Variants in GAS2 observed in about 807,000 individuals in gnomAD.
The protein encoded by GAS2 is growth arrest-specific protein 2.
A neutral mutation model predicts 37.5 loss-of-function variants in GAS2; 20 were observed. That is an observed-to-expected ratio of 0.53 (90% CI 0.37 to 0.77). The LOEUF is 0.77. Ranked by LOEUF, GAS2 falls within the 30% of genes least tolerant of loss-of-function variation. The probability of loss-of-function intolerance (pLI) is 0.00; values close to 1 mark genes in which losing one functional copy is unlikely to be tolerated. For missense variants in GAS2, 336 were observed against 373.4 expected (o/e 0.90, Z 0.82); for synonymous variants, 144 against 132.2 (o/e 1.09, Z -0.61).
intron 3 of GAS2, among the ~76,000 whole-genome samples, chr11:22,706,258 C>T (rs572569543): frequency 6.6e-6 from 1 of 151,968 alleles, no homozygotes; most frequent in African/African-American, 2.4e-5. Flanking sequence ...AGGCTATTGC[C>T]TAGCTCAGGT....
At chr11:22,713,683 A>C (rs575056178) in intron 3 of GAS2, among the ~76,000 whole-genome samples, 1 of 152,328 alleles carries the variant, frequency 6.6e-6, no homozygotes, top group Non-Finnish European at 1.5e-5. Flanking sequence ...CCTGTAAACC[A>C]GAAGGGATTG....
chr11:22,696,348 G>C (rs1590654835), intron 3 of GAS2, among the ~76,000 whole-genome samples: 1 of 151,960 alleles, frequency 6.6e-6, no homozygotes, highest in African/African-American at 2.4e-5. Flanking sequence ...ATCATTGTTG[G>C]ACATTTGGAT....
intron 7 of GAS2, among the ~76,000 whole-genome samples, chr11:22,800,807 T>C (rs1277971092): frequency 3.9e-5 from 6 of 152,160 alleles, no homozygotes; most frequent in Non-Finnish European, 8.8e-5. Context: ...GAACTTTTAA[T>C]TTAAAATTCT....
intron 2 of GAS2, among the ~76,000 whole-genome samples, chr11:22,676,562 A>G (rs1849438455): frequency 6.6e-6 from 1 of 152,162 alleles, no homozygotes; most frequent in Non-Finnish European, 1.5e-5. Flanking sequence ...GTACAGTGGT[A>G]ATAATAGTAG....
intron 1 of GAS2, among the ~76,000 whole-genome samples, chr11:22,654,715 A>G (rs1848836306): frequency 6.6e-6 from 1 of 152,186 alleles, no homozygotes; most frequent in South Asian, 2.1e-4. Flanking sequence ...TAAGAATGAA[A>G]TGACATGCAA....
At position 22,642,539 on chromosome 11, in the gene GAS2, A is replaced by T. The variant is rs1041067275; in HGVS notation, c.-21+16726A>T. Reference sequence around the variant, plus strand: ...CTACTGTCATTCCTCACACTCTTTAAGGGCCCCTGGATAAGAAAATTATAG... The same window carrying T: ...CTACTGTCATTCCTCACACTCTTTATGGGCCCCTGGATAAGAAAATTATAG... On this transcript the variant is annotated intron_variant, in intron 1 of 5. Transcript: ENST00000528582. 3.3e-5 allele frequency among the ~76,000 whole-genome samples: 5 copies of T among 152,178 alleles called. No individual in the cohort carries two copies. In the East Asian group the frequency reaches 9.6e-4, roughly 29 times the overall value.
chr11:22,713,360 G>A (rs754234357), intron 3 of GAS2, among the ~76,000 whole-genome samples: 3 of 151,758 alleles, frequency 2.0e-5, no homozygotes, highest in Non-Finnish European at 2.9e-5. Flanking sequence ...TTGGGATTAT[G>A]TTAAATGACC....
intron 1 of GAS2, among the ~76,000 whole-genome samples, chr11:22,648,057 G>GT (rs1192016724): frequency 6.6e-6 from 1 of 152,178 alleles, no homozygotes; most frequent in African/African-American, 2.4e-5. Flanking sequence ...ATGGTTTTAG[G>GT]TCTAACGTTT....
intron 5 of GAS2, among the ~76,000 whole-genome samples, chr11:22,742,161 C>T (rs929024275): frequency 1.3e-4 from 20 of 152,062 alleles, no homozygotes; most frequent in African/African-American, 4.1e-4. Context: ...TGAGTATTCG[C>T]CCTACTTTCA....
Position 22,784,455 on chromosome 11 carries a change from A to G in GAS2, c.724-27343A>G, listed in dbSNP as rs532259733. On this transcript the variant is annotated intron_variant, in intron 7 of 7. Transcript: ENST00000454584. ...ACCAACCTCCCCAGGTCTGCTACAC[A>G]TAGTATTGGTTGGCAAGGCATGAAT... Among the ~76,000 whole-genome samples, 10 of 152,264 alleles carry G rather than the reference A, an allele frequency of 6.6e-5. No homozygotes were observed. In the South Asian group the frequency reaches 2.1e-3, roughly 32 times the overall value.
Position 22,812,019 on chromosome 11 carries a change from C to T in GAS2, c.*3C>T. 6.2e-7 allele frequency: 1 copy of T among 1,610,994 alleles called. No individual in the cohort carries two copies. Among genetic ancestry groups the T allele is most frequent in the African/African-American group, 1.3e-5 (1 of 74,972 alleles). ...AGGCTAAGAAGGAAATTAAGTGAAA[C>T]AAATTGGTCATGACAAGGGGACCCT... On this transcript the variant is annotated 3_prime_UTR_variant, in exon 8 of 8. Transcript: ENST00000454584.
intron 1 of GAS2, among the ~76,000 whole-genome samples, chr11:22,648,979 ATCCCTGTCTTGTGCCAGTTG>A (rs1305857567): frequency 6.6e-6 from 1 of 152,232 alleles, no homozygotes; most frequent in Non-Finnish European, 1.5e-5. Context: ...GAGAGAGGGC[ATCCCTGTCTTGTGCCAGTTG>A]TCAAAGGGAA....
chr11:22,673,723 A>G (rs909860420), intron 1 of GAS2, among the ~76,000 whole-genome samples: 2 of 152,218 alleles, frequency 1.3e-5, no homozygotes, highest in Non-Finnish European at 2.9e-5. Context: ...CCTGGCCAAC[A>G]TGGCGAAACC....
chr11:22,660,430 C>T (rs1848903207), intron 1 of GAS2, among the ~76,000 whole-genome samples: 1 of 152,166 alleles, frequency 6.6e-6, no homozygotes, highest in Non-Finnish European at 1.5e-5. Context: ...TTAAAACTTG[C>T]TATATGCCAA....
intron 3 of GAS2, among the ~76,000 whole-genome samples, chr11:22,723,008 G>C (rs1852019394): frequency 6.6e-6 from 1 of 151,708 alleles, no homozygotes; most frequent in Admixed American, 6.6e-5. Flanking sequence ...TTCTTGATAA[G>C]CAGAGATCCT....
At chr11:22,660,818 G>T (rs1848908144) in intron 1 of GAS2, among the ~76,000 whole-genome samples, 1 of 152,222 alleles carries the variant, frequency 6.6e-6, no homozygotes, top group Admixed American at 6.5e-5. Context: ...AAGCCCCACT[G>T]ACACTGACCC....
chr11:22,675,287 A>T (rs1319778840), intron 2 of GAS2, among the ~76,000 whole-genome samples: 1 of 152,094 alleles, frequency 6.6e-6, no homozygotes, highest in Non-Finnish European at 1.5e-5. Flanking sequence ...TGCTGGTCTG[A>T]TTTATTTTTG....
intron 7 of GAS2, among the ~76,000 whole-genome samples, chr11:22,786,245 T>C (rs1392120079): frequency 6.6e-6 from 1 of 152,122 alleles, no homozygotes; most frequent in Admixed American, 6.5e-5. Context: ...AAAAAAATTG[T>C]GAAAATGAAC....
chr11:22,674,227 T>A (rs1010968575), intron 1 of GAS2, among the ~76,000 whole-genome samples: 1 of 146,980 alleles, frequency 6.8e-6, no homozygotes, highest in African/African-American at 2.5e-5. Context: ...TTTTTTTTTT[T>A]ATTTTTCTTT....
Sources: allele counts gnomAD v4.1 joint callset (sites outside exome capture counted in the v4.1 genomes callset), GRCh38; gene constraint gnomAD v4.1.1; transcripts MANE v1.5; gene names NCBI Gene and HGNC (gene_info 2026-07-23, HGNC 2026-07-21).